The following IMMT variants were observed in gnomAD, a reference collection of about 807,000 sequenced individuals.
The protein encoded by IMMT is inner membrane mitochondrial protein, also known as MICOS complex subunit MIC60.
In IMMT, 40 loss-of-function variants were observed where a neutral mutation model predicts 92.7. The ratio of observed to expected loss-of-function variants is 0.43; its 90% confidence interval spans 0.34 to 0.56. The LOEUF (loss-of-function observed/expected upper bound fraction) is 0.56, where lower values mean the gene tolerates loss of function less well. Ranked by LOEUF, IMMT falls within the 20% of genes least tolerant of loss-of-function variation. The pLI is 0.03. For synonymous variants in IMMT, 322 were observed against 336.1 expected (o/e 0.96, Z 0.46); for missense variants, 831 against 912.1 (o/e 0.91, Z 1.14).
intron 7 of IMMT, among the ~76,000 whole-genome samples, chr2:86,163,609 T>C (rs879769341): frequency 2.0e-5 from 3 of 152,208 alleles, no homozygotes; most frequent in Non-Finnish European, 4.4e-5. Context: ...GAATTCTATC[T>C]ACAGACTCAA....
intron 6 of IMMT, among the ~76,000 whole-genome samples, chr2:86,169,210 C>T (rs1328250141): frequency 6.6e-6 from 1 of 151,848 alleles, no homozygotes; most frequent in Non-Finnish European, 1.5e-5. Context: ...CTCCATCTTA[C>T]GTTTATAACT....
intron 1 of IMMT, among the ~76,000 whole-genome samples, chr2:86,185,512 CATAAGG>C (rs1485505426): frequency 1.3e-5 from 2 of 152,084 alleles, no homozygotes; most frequent in Non-Finnish European, 2.9e-5. Context: ...CTCTAAGAAT[CATAAGG>C]ATGTGTTTCC....
chr2:86,186,068 G>C (rs926118153), intron 1 of IMMT, among the ~76,000 whole-genome samples: 4 of 152,170 alleles, frequency 2.6e-5, no homozygotes, highest in African/African-American at 7.2e-5. Context: ...ACCATATGCT[G>C]AATGTATGGG....
intron 1 of IMMT, among the ~76,000 whole-genome samples, chr2:86,184,027 T>C (rs558107772): frequency 6.6e-6 from 1 of 152,356 alleles, no homozygotes; most frequent in African/African-American, 2.4e-5. Context: ...TGATTAATAC[T>C]GCCAAATTAG....
chr2:86,194,608 C>T (rs1271306375), intron 1 of IMMT, among the ~76,000 whole-genome samples: 1 of 152,100 alleles, frequency 6.6e-6, no homozygotes, highest in East Asian at 1.9e-4. Context: ...TTTTAATTTT[C>T]AATTTTAGAA....
Position 86,179,532 on chromosome 2 carries a change from A to C in IMMT, c.210T>G (p.His70Gln), listed in dbSNP as rs1401396957. ...TGGTTTTCTCTACACTTTCCCGGAA[A>C]TGGGAATCCCATTTGGCATATAGGA... ...GTILYAKWDS[H>Q]FRESVEKTIP... Residue 70 changes from histidine (H) to glutamine (Q), a missense_variant, in exon 3 of 15, where the codon CAT (histidine) becomes CAG (glutamine). Physicochemically the swap from His to Gln is conservative, Grantham distance 24. Transcript: ENST00000410111. 3.1e-6 allele frequency: 5 copies of C among 1,613,400 alleles called. No individual in the cohort carries two copies.
At chr2:86,157,308 C>G (rs962038281) in intron 10 of IMMT, among the ~76,000 whole-genome samples, 4 of 152,220 alleles carry the variant, frequency 2.6e-5, no homozygotes, top group Non-Finnish European at 4.4e-5. Flanking sequence ...ACAGCCTTAA[C>G]TCCACTTCTT....
In IMMT at chr2:86,144,146, G is replaced by C. The variant is rs1674809136; in HGVS notation, c.*122C>G. ...TAAATGCAACAGGTGTTAACATTTA[G>C]AACAGTACTTGTAAACCTGCTCATT... On this transcript the variant is annotated 3_prime_UTR_variant, in exon 15 of 15. Coordinates refer to ENST00000410111, the MANE Select transcript of IMMT (RefSeq NM_006839.3). 9.5e-7 allele frequency: 1 copy of C among 1,049,530 alleles called. No homozygotes were observed. 65.0% of individuals were successfully genotyped at this position (1,049,530 alleles called of 1,614,324 possible).
chr2:86,166,481 A>G, intron 7 of IMMT, 27 bp downstream of exon 7: 1 of 1,582,576 alleles, frequency 6.3e-7, no homozygotes, highest in South Asian at 1.2e-5. Flanking sequence ...GACAGCCAGA[A>G]CACTTCTAAT....
intron 1 of IMMT, among the ~76,000 whole-genome samples, chr2:86,191,635 G>A (rs1673123309): frequency 6.6e-6 from 1 of 152,050 alleles, no homozygotes; most frequent in Non-Finnish European, 1.5e-5. Context: ...CAGGCGCGGT[G>A]GCTCACGCCT....
At chr2:86,186,163 C>G (rs1488718970) in intron 1 of IMMT, among the ~76,000 whole-genome samples, 1 of 152,184 alleles carries the variant, frequency 6.6e-6, no homozygotes, top group East Asian at 1.9e-4. Flanking sequence ...GGACCACATT[C>G]AAGATGTCTT....
chr2:86,149,894 A>G (rs78559204), intron 12 of IMMT, among the ~76,000 whole-genome samples: 3 of 151,712 alleles, frequency 2.0e-5, no homozygotes, highest in East Asian at 1.9e-4. Flanking sequence ...AAAAAAAAAA[A>G]AAAAGAAAGA....
intron 5 of IMMT, 93 bp from the exon 6 acceptor site, chr2:86,170,937 A>T: frequency 1.1e-6 from 1 of 952,010 alleles, no homozygotes; most frequent in Non-Finnish European, 1.6e-6. Flanking sequence ...TGTACTGGCC[A>T]GTTATATCAA....
At chr2:86,185,692 T>C (rs199511549) in intron 1 of IMMT, among the ~76,000 whole-genome samples, 2 of 152,180 alleles carry the variant, frequency 1.3e-5, no homozygotes, top group East Asian at 3.8e-4. Context: ...ACAAACTTGT[T>C]GAGAATTGTG....
At chr2:86,170,963 T>A in intron 5 of IMMT, 119 bp from the exon 6 acceptor site, 2 of 762,770 alleles carry the variant, frequency 2.6e-6, no homozygotes, top group South Asian at 1.7e-5. Flanking sequence ...GGCATTTTTG[T>A]GTTAAGAATT....
intron 14 of IMMT, among the ~76,000 whole-genome samples, 165 bp downstream of exon 14, chr2:86,145,903 T>C (rs1181141533): frequency 3.3e-5 from 5 of 152,224 alleles, no homozygotes; most frequent in East Asian, 3.8e-4. Flanking sequence ...TTTCTAGTTA[T>C]ATAGATTTTG....
intron 4 of IMMT, among the ~76,000 whole-genome samples, chr2:86,171,880 G>C (rs1677114386): frequency 6.7e-6 from 1 of 149,806 alleles, no homozygotes; most frequent in South Asian, 2.1e-4. Context: ...CACACTTTGG[G>C]AGGCCAAGAC....
At chr2:86,185,230 T>C (rs1672695919) in intron 1 of IMMT, among the ~76,000 whole-genome samples, 1 of 152,014 alleles carries the variant, frequency 6.6e-6, no homozygotes, top group Admixed American at 6.6e-5. Context: ...AACTGGTTTC[T>C]TTTAGCTGAG....
At chr2:86,180,874 G>A (rs903951535) in intron 2 of IMMT, among the ~76,000 whole-genome samples, 9 of 151,842 alleles carry the variant, frequency 5.9e-5, no homozygotes, top group East Asian at 5.9e-4. Flanking sequence ...GCAACAGAGC[G>A]AGACTCTGTC....
Sources: gnomAD v4.1 joint callset for allele counts (sites outside exome capture counted in the v4.1 genomes callset) on GRCh38, gnomAD v4.1.1 for gene constraint, MANE v1.5 for transcripts, NCBI Gene and HGNC (gene_info 2026-07-23, HGNC 2026-07-21) for gene names.